Variants in KCNJ16 observed in about 807,000 individuals in gnomAD.
KCNJ16 encodes the protein inward rectifier potassium channel 16.
Under a neutral mutation model 18.5 loss-of-function variants are expected in KCNJ16, and 15 were observed. The ratio of observed to expected loss-of-function variants is 0.81; its 90% CI spans 0.54 to 1.25. The LOEUF is 1.25. KCNJ16 is among the 50% of genes most tolerant of loss of function. KCNJ16 has a pLI of 0.00. For missense variants in KCNJ16, 523 were observed against 525.7 expected (o/e 0.99, Z 0.05); for synonymous variants, 174 against 186.5 (o/e 0.93, Z 0.55).
intron 1 of KCNJ16, among the ~76,000 whole-genome samples, chr17:70,087,500 G>A: frequency 6.6e-6 from 1 of 151,972 alleles, no homozygotes; most frequent in Admixed American, 6.6e-5. Flanking sequence ...TCAAGAATTC[G>A]AGATCAGCCT....
At position 70,132,304 on chromosome 17, in the gene KCNJ16, A is replaced by T. The variant is rs781282253; in HGVS notation, c.217A>T (p.Met73Leu). ...TTLVDTKWRHMFVIFSLSYIL... is the reference protein window; with the variant it reads ...TTLVDTKWRHLFVIFSLSYIL... The stretch of plus-strand genomic sequence containing the variant: ...TCTTGTGGACACCAAGTGGCGCCAT[A>T]TGTTTGTGATATTTTCTTTATCTTA... Residue 73 changes from methionine to leucine, a missense_variant, in exon 4 of 4, where the codon ATG becomes TTG. Transcript: ENST00000392671. 1.2e-6 allele frequency: 2 copies of T among 1,614,028 alleles called. No homozygotes were observed. The highest frequency in any genetic ancestry group is 1.7e-6 in the Non-Finnish European group (2 of 1,180,016).
chr17:70,124,807 G>A (rs1448961711), intron 2 of KCNJ16, among the ~76,000 whole-genome samples: 1 of 152,184 alleles, frequency 6.6e-6, no homozygotes, highest in Non-Finnish European at 1.5e-5. Context: ...TGTCAGTCCT[G>A]TCTCCTTTAG....
intron 2 of KCNJ16, among the ~76,000 whole-genome samples, chr17:70,127,185 G>C (rs2073884564): frequency 6.6e-6 from 1 of 152,172 alleles, no homozygotes; most frequent in South Asian, 2.1e-4. Flanking sequence ...AGAGGGAGAA[G>C]AGATCAGAAA....
intron 1 of KCNJ16, among the ~76,000 whole-genome samples, chr17:70,087,043 C>T (rs2071829434): frequency 6.7e-6 from 1 of 150,362 alleles, no homozygotes; most frequent in Admixed American, 6.7e-5. Context: ...GGATTACAGG[C>T]ACCTGCCACC....
chr17:70,087,228 T>A (rs149539978), intron 1 of KCNJ16, among the ~76,000 whole-genome samples: 129 of 152,152 alleles, frequency 8.5e-4, no homozygotes, highest in Non-Finnish European at 4.6e-4. Flanking sequence ...TGAGAGGAAG[T>A]GGTAGTAGAA....
chr17:70,082,644 C>G (rs980738389), intron 1 of KCNJ16, among the ~76,000 whole-genome samples: 1 of 152,186 alleles, frequency 6.6e-6, no homozygotes, highest in African/African-American at 2.4e-5. Flanking sequence ...AGGCTCTCCC[C>G]TCTTCTGAAG....
intron 2 of KCNJ16, among the ~76,000 whole-genome samples, chr17:70,118,410 TA>T (rs1360086427): frequency 4.0e-5 from 6 of 151,642 alleles, no homozygotes; most frequent in Non-Finnish European, 8.8e-5. Flanking sequence ...ATGTATCATT[TA>T]AAAAAAGAAA....
At chr17:70,082,302 C>T (rs973422400) in intron 1 of KCNJ16, among the ~76,000 whole-genome samples, 11 of 152,038 alleles carry the variant, frequency 7.2e-5, no homozygotes, top group African/African-American at 2.4e-4. Flanking sequence ...GTAGGGTTTT[C>T]GGTGTGAAGA....
At chr17:70,075,548 G>GC (rs1386781080) in intron 1 of KCNJ16, among the ~76,000 whole-genome samples, 158 bp downstream of exon 1, 10 of 152,212 alleles carry the variant, frequency 6.6e-5, no homozygotes, top group Admixed American at 1.3e-4. Flanking sequence ...TTATCCAAGT[G>GC]CTTTAAGTAG....
At chr17:70,123,883 A>G (rs1468840449) in intron 2 of KCNJ16, among the ~76,000 whole-genome samples, 1 of 152,224 alleles carries the variant, frequency 6.6e-6, no homozygotes, top group African/African-American at 2.4e-5. Context: ...GAGGCAATAA[A>G]TGAGTTGAAA....
intron 1 of KCNJ16, among the ~76,000 whole-genome samples, chr17:70,076,842 A>T (rs1216812935): frequency 6.6e-6 from 1 of 152,212 alleles, no homozygotes; most frequent in East Asian, 1.9e-4. Context: ...TTTGGCACCG[A>T]AATAATACAG....
rs2072133558 is a variant in KCNJ16, at chr17:70,092,488, C to CG, written c.-299-8170_-299-8169insG. On this transcript the variant is annotated intron_variant, in intron 1 of 3. Coordinates refer to ENST00000392671, the MANE Select transcript of KCNJ16 (RefSeq NM_170741.4). ...TCAAGGTTCTCTAGAGAAACAGAAC[C>CG]AATAGATAGATAGATAGATAGATAG... is the stretch of plus-strand genomic sequence containing the variant. 3.1e-5 allele frequency among the ~76,000 whole-genome samples: 3 copies of CG among 96,572 alleles called. No homozygotes were observed. The Admixed American group carries it at 3.9e-4, about 12-fold the overall frequency. 63.4% of individuals were successfully genotyped at this position (96,572 alleles called of 152,430 possible).
At chr17:70,103,251 ATATT>A (rs1213373881) in intron 2 of KCNJ16, among the ~76,000 whole-genome samples, 42 of 132,686 alleles carry the variant, frequency 3.2e-4, no homozygotes, top group South Asian at 7.1e-4. Flanking sequence ...GTGTATATAT[ATATT>A]TATGTGTATA....
intron 2 of KCNJ16, among the ~76,000 whole-genome samples, chr17:70,103,180 G>A (rs1198770234): frequency 7.0e-6 from 1 of 143,728 alleles, no homozygotes. Context: ...ATATTTATGT[G>A]TATATAAATA....
chr17:70,100,874 T>C (rs2072590205), intron 2 of KCNJ16, 108 bp downstream of exon 2: 1 of 152,250 alleles, frequency 6.6e-6, no homozygotes, highest in African/African-American at 2.4e-5. Context: ...GAAGTCCAGC[T>C]TTCTACTTAT....
At chr17:70,083,146 C>T (rs931792111) in intron 1 of KCNJ16, among the ~76,000 whole-genome samples, 2 of 150,520 alleles carry the variant, frequency 1.3e-5, no homozygotes, top group African/African-American at 4.9e-5. Context: ...CCTCCACCTC[C>T]CAGGTTCAAG....
rs2074154855 is a variant in KCNJ16 at position 70,134,150 on chromosome 17, G to A, written c.*806G>A. The A allele has an allele frequency of 6.0e-6, 1 of 167,018 alleles. No homozygotes were observed. The highest frequency in any genetic ancestry group is 2.4e-5 in the African/African-American group (1 of 41,442). 10.3% of individuals were successfully genotyped at this position (167,018 alleles called of 1,614,324 possible). ...TCTATGTTCACGTCCCACCTTCTTCGAGGACATGACCAAGGGACAGGATCA... is the reference window on the plus strand; with the variant it reads ...TCTATGTTCACGTCCCACCTTCTTCAAGGACATGACCAAGGGACAGGATCA... On this transcript the variant is annotated 3_prime_UTR_variant, in exon 4 of 4. Coordinates refer to ENST00000392671, the MANE Select transcript of KCNJ16 (RefSeq NM_170741.4).
At position 70,132,131 on chromosome 17, in the gene KCNJ16, C is replaced by G. The variant is rs2074076717; in HGVS notation, c.44C>G (p.Ala15Gly). 1.2e-6 allele frequency: 2 copies of G among 1,613,984 alleles called. No homozygotes were observed. The highest frequency in any genetic ancestry group is 2.7e-5 in the African/African-American group (2 of 74,896). Residue 15 changes from alanine to glycine, a missense_variant, in exon 4 of 4, where the codon GCA becomes GGA. Transcript: ENST00000392671. Reference sequence around the variant, plus strand: ...AGCTATCATATTATCAATGCGGACGCAAAATACCCAGGCTACCCGCCAGAG... The same window carrying G: ...AGCTATCATATTATCAATGCGGACGGAAAATACCCAGGCTACCCGCCAGAG... ...GSSYHIINADAKYPGYPPEHI... is the reference protein window; with the variant it reads ...GSSYHIINADGKYPGYPPEHI...
intron 2 of KCNJ16, chr17:70,105,200 A>T (rs2072866242): frequency 6.6e-6 from 1 of 152,170 alleles, no homozygotes; most frequent in Non-Finnish European, 1.5e-5. Flanking sequence ...TTTTTGGCTC[A>T]GCAGTCATGC....
Sources: allele counts gnomAD v4.1 joint callset (sites outside exome capture counted in the v4.1 genomes callset), GRCh38; gene constraint gnomAD v4.1.1; transcripts MANE v1.5; gene names NCBI Gene and HGNC (gene_info 2026-07-23, HGNC 2026-07-21).